MYT1L: variants seen among roughly 807,000 people sequenced by gnomAD.
The protein encoded by MYT1L is myelin transcription factor 1 like, also known as myelin transcription factor 1-like protein.
Under a neutral mutation model 126.7 loss-of-function variants are expected in MYT1L, and 12 were observed. That is an observed-to-expected ratio of 0.09 (90% CI 0.06 to 0.15). The LOEUF is 0.15. Ranked by LOEUF, MYT1L falls within the 10% of genes least tolerant of loss-of-function variation. The pLI is 1.00. For synonymous variants in MYT1L, 541 were observed against 604.2 expected, an observed-to-expected ratio of 0.90 and a Z score of 1.53; for missense variants, 979 against 1,585.2, an observed-to-expected ratio of 0.62 and a Z score of 6.49.
intron 4 of MYT1L, among the ~76,000 whole-genome samples, chr2:2,005,449 T>A (rs866675554): frequency 6.8e-6 from 1 of 146,370 alleles, no homozygotes; most frequent in Non-Finnish European, 1.5e-5. Context: ...CTTTCCTGCA[T>A]GCGTTCTTTC....
At chr2:1,827,188 G>C (rs2039480711) in intron 21 of MYT1L, 1 of 152,362 alleles carries the variant, frequency 6.6e-6, no homozygotes, top group Non-Finnish European at 1.5e-5. Context: ...AGCCCAGAAT[G>C]GGGGCATGGG....
At chr2:2,236,923 C>T (rs538350560) in intron 2 of MYT1L, among the ~76,000 whole-genome samples, 12 of 151,608 alleles carry the variant, frequency 7.9e-5, no homozygotes, top group African/African-American at 1.9e-4. Context: ...AAGTAATTCT[C>T]GTGCCGCAGT....
At chr2:2,030,520 C>A (rs1370319514) in intron 4 of MYT1L, among the ~76,000 whole-genome samples, 1 of 152,014 alleles carries the variant, frequency 6.6e-6, no homozygotes, top group African/African-American at 2.4e-5. Flanking sequence ...CTATTATTTG[C>A]CAGCTATTGT....
In MYT1L at chr2:2,068,766, C is replaced by CTTCT. The variant is rs1370285207; in HGVS notation, c.-303-14644_-303-14643insAGAA. On this transcript the variant is annotated intron_variant, in intron 3 of 24. Transcript: ENST00000647738. ...TTTGGACACAGACACCTGTGTTCTT[C>CTTCT]TTGTTTTTTTTTTTTTTTTTTTTTT... Among the ~76,000 whole-genome samples, 22 of 5,874 alleles carry CTTCT rather than the reference C, an allele frequency of 3.7e-3. 1 individual carries two copies. The highest frequency in any genetic ancestry group is 7.7e-3 in the Non-Finnish European group (21 of 2,742). The allele number at this position is 5,874 out of a possible 152,430, so 3.9% of individuals were successfully genotyped here.
chr2:2,260,424 C>G (rs1482689381), intron 2 of MYT1L, among the ~76,000 whole-genome samples: 1 of 152,180 alleles, frequency 6.6e-6, no homozygotes, highest in Non-Finnish European at 1.5e-5. Flanking sequence ...ACAGGTTTGA[C>G]TGAAGAACCA....
At chr2:2,121,126 C>T (rs1382952884) in intron 3 of MYT1L, among the ~76,000 whole-genome samples, 2 of 152,218 alleles carry the variant, frequency 1.3e-5, no homozygotes, top group Non-Finnish European at 2.9e-5. Context: ...AACATGATTC[C>T]ATGTTAAAAA....
chr2:1,832,766 C>T (rs1338651114), intron 21 of MYT1L, among the ~76,000 whole-genome samples: 1 of 152,216 alleles, frequency 6.6e-6, no homozygotes, highest in Non-Finnish European at 1.5e-5. Flanking sequence ...AAATTCAGCT[C>T]CTGTCTTGGC....
intron 1 of MYT1L, among the ~76,000 whole-genome samples, chr2:2,303,050 A>G (rs1258676239): frequency 6.6e-6 from 1 of 152,086 alleles, no homozygotes; most frequent in Non-Finnish European, 1.5e-5. Flanking sequence ...TCCATTTTTA[A>G]TTCTAGGTTA....
At chr2:2,231,001 A>T (rs1572672799) in intron 2 of MYT1L, among the ~76,000 whole-genome samples, 1 of 152,000 alleles carries the variant, frequency 6.6e-6, no homozygotes, top group African/African-American at 2.4e-5. Flanking sequence ...CCATCAGGGA[A>T]CTTACCCAGC....
At chr2:1,958,678 T>A (rs1231561637) in intron 8 of MYT1L, among the ~76,000 whole-genome samples, 1 of 152,160 alleles carries the variant, frequency 6.6e-6, no homozygotes, top group East Asian at 1.9e-4. Context: ...TGGGGGCTGT[T>A]CACTGTGAGA....
chr2:2,067,073 A>G (rs563925716), intron 3 of MYT1L, among the ~76,000 whole-genome samples: 8 of 152,358 alleles, frequency 5.3e-5, no homozygotes, highest in African/African-American at 1.9e-4. Context: ...AATGAGACTT[A>G]CAAGGAGCTT....
chr2:2,135,609 T>C (rs138871095), intron 3 of MYT1L, among the ~76,000 whole-genome samples: 1 of 152,290 alleles, frequency 6.6e-6, no homozygotes, highest in East Asian at 1.9e-4. Flanking sequence ...TAGAAATGTA[T>C]ACATGAACGA....
intron 2 of MYT1L, among the ~76,000 whole-genome samples, chr2:2,210,910 T>A (rs887940335): frequency 2.6e-5 from 4 of 152,084 alleles, no homozygotes; most frequent in Non-Finnish European, 5.9e-5. Flanking sequence ...TTAAAATCAG[T>A]GTTTTATAGT....
At chr2:2,123,543 A>G (rs1429410321) in intron 3 of MYT1L, among the ~76,000 whole-genome samples, 5 of 152,050 alleles carry the variant, frequency 3.3e-5, no homozygotes, top group Non-Finnish European at 5.9e-5. Flanking sequence ...TGGTTGTTTA[A>G]AAGTGTGTGG....
intron 20 of MYT1L, 69 bp downstream of exon 20, chr2:1,840,691 G>C: frequency 1.8e-6 from 2 of 1,124,392 alleles, no homozygotes; most frequent in Non-Finnish European, 2.6e-6. Context: ...ACATATACTT[G>C]CTTTGCTTGA....
intron 3 of MYT1L, among the ~76,000 whole-genome samples, chr2:2,167,632 T>C (rs918991636): frequency 2.0e-5 from 3 of 152,212 alleles, no homozygotes; most frequent in African/African-American, 7.2e-5. Flanking sequence ...CTCTGGCCTT[T>C]CCTGATGCTG....
At chr2:2,091,372 TC>T (rs1272584756) in intron 3 of MYT1L, among the ~76,000 whole-genome samples, 1 of 152,130 alleles carries the variant, frequency 6.6e-6, no homozygotes, top group East Asian at 1.9e-4. Context: ...TTGAAAGAAA[TC>T]TTTTTTTTCT....
chr2:2,160,137 G>A (rs76804276), intron 3 of MYT1L, among the ~76,000 whole-genome samples: 13,098 of 152,128 alleles, frequency 0.086, 615 homozygotes, highest in East Asian at 0.19. Flanking sequence ...AGCACATGAC[G>A]ATCTTCCACA....
In MYT1L at chr2:2,090,849, T is replaced by C. The variant is rs550148232; in HGVS notation, c.-303-36726A>G. On this transcript the variant is annotated intron_variant, in intron 3 of 24. Coordinates refer to ENST00000647738, the MANE Select transcript of MYT1L (RefSeq NM_001303052.2). ...GTGTTTACAGCATCTTCACCAGAAG[T>C]AGATTCCGTCTCAAGAAACTACTTC... Among the ~76,000 whole-genome samples the C allele has an allele frequency of 2.0e-5, 3 of 152,368 alleles. No homozygotes were observed. The South Asian group carries it at 6.2e-4, about 32-fold the overall frequency.
Sources: allele counts gnomAD v4.1 joint callset (sites outside exome capture counted in the v4.1 genomes callset), GRCh38; gene constraint gnomAD v4.1.1; transcripts MANE v1.5; gene names NCBI Gene and HGNC (gene_info 2026-07-23, HGNC 2026-07-21).